The following PHLPP2 variants were observed in gnomAD, a reference collection of about 807,000 sequenced individuals.
PHLPP2 encodes the protein PH domain and leucine rich repeat protein phosphatase 2, also known as PH domain leucine-rich repeat-containing protein phosphatase 2.
In PHLPP2, 66 loss-of-function variants were observed where a neutral mutation model predicts 124.9. The ratio of observed to expected loss-of-function variants is 0.53; its 90% CI spans 0.43 to 0.65. PHLPP2 has a LOEUF of 0.65. Ranked by LOEUF, PHLPP2 falls within the 30% of genes least tolerant of loss-of-function variation. The probability of loss-of-function intolerance (pLI) is 0.00; values close to 1 mark genes in which losing one functional copy is unlikely to be tolerated. For missense variants in PHLPP2, 1,685 were observed against 1,600.4 expected, an observed-to-expected ratio of 1.05 and a Z score of -0.90; for synonymous variants, 681 against 624.7, an observed-to-expected ratio of 1.09 and a Z score of -1.34.
chr16:71,662,087 G>T (rs2044796958), intron 13 of PHLPP2, among the ~76,000 whole-genome samples: 1 of 151,892 alleles, frequency 6.6e-6, no homozygotes, highest in Admixed American at 6.6e-5. Context: ...CTGCCAAAGT[G>T]CTGGGATTAC....
intron 2 of PHLPP2, among the ~76,000 whole-genome samples, chr16:71,713,964 C>A (rs2045340508): frequency 7.1e-6 from 1 of 140,154 alleles, no homozygotes; most frequent in Non-Finnish European, 1.5e-5. Flanking sequence ...TTTTTTGAGA[C>A]AGTGTCTTGC....
intron 3 of PHLPP2, among the ~76,000 whole-genome samples, chr16:71,696,962 G>A (rs939726834): frequency 4.6e-5 from 7 of 151,966 alleles, no homozygotes; most frequent in Non-Finnish European, 2.9e-5. Context: ...ATGACTTGAG[G>A]TCAGGAATTC....
intron 2 of PHLPP2, among the ~76,000 whole-genome samples, chr16:71,704,048 C>T (rs1354696697): frequency 1.3e-5 from 2 of 152,096 alleles, no homozygotes; most frequent in African/African-American, 2.4e-5. Context: ...AATAGCCGGG[C>T]GCAGTGGCTC....
At chr16:71,711,308 G>A (rs1254037127) in intron 2 of PHLPP2, among the ~76,000 whole-genome samples, 3 of 151,248 alleles carry the variant, frequency 2.0e-5, no homozygotes, top group Admixed American at 6.6e-5. Flanking sequence ...TCCAGCCTGG[G>A]CAACAAGAGT....
intron 2 of PHLPP2, among the ~76,000 whole-genome samples, chr16:71,709,457 G>T (rs1228679724): frequency 6.6e-6 from 1 of 151,892 alleles, no homozygotes; most frequent in Non-Finnish European, 1.5e-5. Flanking sequence ...TAAAAAAAAA[G>T]AAAAACAGTT....
intron 4 of PHLPP2, among the ~76,000 whole-genome samples, chr16:71,689,645 A>T (rs2045089179): frequency 6.6e-6 from 1 of 151,684 alleles, no homozygotes. Context: ...TGATCCGCCC[A>T]CCTAGGCCTC....
intron 4 of PHLPP2, among the ~76,000 whole-genome samples, chr16:71,687,834 C>A (rs936997102): frequency 2.6e-5 from 4 of 152,198 alleles, no homozygotes; most frequent in African/African-American, 7.2e-5. Flanking sequence ...TTCTCTTCCT[C>A]TCTCTTCTCT....
intron 3 of PHLPP2, among the ~76,000 whole-genome samples, chr16:71,701,339 CCTA>C (rs10609251): frequency 1 from 151,559 of 152,034 alleles, 75,542 homozygotes; most frequent in Middle Eastern, 1. Context: ...TACCTACCTA[CCTA>C]CTACCTACGT....
Position 71,672,396 on chromosome 16 carries a change from T to C in PHLPP2, c.1472-74A>G. On this transcript the variant is annotated intron_variant, in intron 9 of 18. Coordinates refer to ENST00000568954, the MANE Select transcript of PHLPP2 (RefSeq NM_015020.3). ...TAACTGAGAGCTGACAATGGAAAAG[T>C]AGCTTAGTGAAATCACCAGAGAGAA... The C allele has an allele frequency of 3.8e-6, 4 of 1,065,298 alleles. No individual in the cohort carries two copies. The South Asian group carries it at 5.2e-5, about 14-fold the overall frequency. 66.0% of individuals were successfully genotyped at this position (1,065,298 alleles called of 1,614,324 possible).
intron 18 of PHLPP2, among the ~76,000 whole-genome samples, chr16:71,652,284 G>C (rs2044702123): frequency 6.6e-6 from 1 of 152,182 alleles, no homozygotes; most frequent in South Asian, 2.1e-4. Context: ...AATTGCTAAA[G>C]TTCTTCTGAA....
chr16:71,672,988 C>T (rs1249980472), intron 9 of PHLPP2, among the ~76,000 whole-genome samples: 3 of 152,216 alleles, frequency 2.0e-5, no homozygotes, highest in Non-Finnish European at 4.4e-5. Flanking sequence ...GCTTCATTCA[C>T]TCCACAATAT....
intron 10 of PHLPP2, 58 bp downstream of exon 10, chr16:71,672,204 T>C: frequency 7.7e-7 from 1 of 1,294,282 alleles, no homozygotes; most frequent in Non-Finnish European, 1.1e-6. Context: ...TGCCAAAAAA[T>C]CCACATGTAT....
rs34708544 is a variant in PHLPP2 at position 71,661,067 on chromosome 16, CTTTTT to C, written c.1986-2257_1986-2253del. On this transcript the variant is annotated intron_variant, in intron 13 of 18. Transcript: ENST00000568954. ...TTGTGATGTTAATTCTTGTCTTTGT[CTTTTT>C]TTTTTTTTTTTTGAGATAGGGTCCC... Among the ~76,000 whole-genome samples, 5 of 132,300 alleles carry C rather than the reference CTTTTT, an allele frequency of 3.8e-5. No individual in the cohort carries two copies. The South Asian group carries it at 1.2e-3, about 32-fold the overall frequency. The allele number at this position is 132,300 out of a possible 152,430, so 86.8% of individuals were successfully genotyped here.
chr16:71,652,171 A>C (rs557470211), intron 18 of PHLPP2, among the ~76,000 whole-genome samples: 3 of 152,370 alleles, frequency 2.0e-5, no homozygotes, highest in African/African-American at 7.2e-5. Flanking sequence ...AAGACTCTTA[A>C]AACTCAACAA....
At chr16:71,650,646 G>C (rs2145302115) in intron 18 of PHLPP2, among the ~76,000 whole-genome samples, 1 of 152,296 alleles carries the variant, frequency 6.6e-6, no homozygotes, top group South Asian at 2.1e-4. Context: ...AGGAAACAGA[G>C]TAACCCTGCT....
chr16:71,672,342 G>T lies in PHLPP2; in HGVS notation c.1472-20C>A. ...TCAGCCCTAATCCAAAAACAAACAGGTGTTAGTGACATCCTCTAAAAAAGA... is the reference window on the plus strand; with the variant it reads ...TCAGCCCTAATCCAAAAACAAACAGTTGTTAGTGACATCCTCTAAAAAAGA... On this transcript the variant is annotated intron_variant, in intron 9 of 18. Coordinates refer to ENST00000568954, the MANE Select transcript of PHLPP2 (RefSeq NM_015020.3). 6.3e-7 allele frequency: 1 copy of T among 1,588,164 alleles called. No homozygotes were observed. Among genetic ancestry groups the T allele is most frequent in the Admixed American group, 1.7e-5 (1 of 59,924 alleles).
rs771613695 is a variant in PHLPP2 at position 71,678,961 on chromosome 16, G to A, written c.1062C>T (p.Gly354=). ...LLNLQTLCLD[G]NFLTTLPEEL... ...CTTCAGGTAAAGTAGTCAGAAAGTT[G>A]CCATCAAGACAGAGGGTTTGAAGAC... Residue 354 remains glycine, a synonymous_variant, in exon 8 of 19, where the codon GGC becomes GGT. Transcript: ENST00000568954. The A allele has an allele frequency of 6.2e-7, 1 of 1,608,630 alleles. No homozygotes were observed. Among genetic ancestry groups the A allele is most frequent in the Non-Finnish European group, 8.5e-7 (1 of 1,175,604 alleles).
intron 6 of PHLPP2, among the ~76,000 whole-genome samples, chr16:71,681,236 T>C (rs1395045865): frequency 6.6e-6 from 1 of 152,122 alleles, no homozygotes; most frequent in Non-Finnish European, 1.5e-5. Context: ...ATGGGGTATA[T>C]ATTTTAATAA....
intron 1 of PHLPP2, among the ~76,000 whole-genome samples, chr16:71,718,869 C>T (rs544713856): frequency 6.6e-6 from 1 of 152,218 alleles, no homozygotes; most frequent in Admixed American, 6.5e-5. Context: ...TAAACCTGAC[C>T]GATGGGCACT....
Sources: allele counts gnomAD v4.1 joint callset (sites outside exome capture counted in the v4.1 genomes callset), GRCh38; gene constraint gnomAD v4.1.1; transcripts MANE v1.5; gene names NCBI Gene and HGNC (gene_info 2026-07-23, HGNC 2026-07-21).